The following PCDHGB1 variants were observed in gnomAD, a reference collection of about 807,000 sequenced individuals.
PCDHGB1 encodes the protein protocadherin gamma subfamily B, 1, also known as protocadherin gamma-B1.
In PCDHGB1, 34 loss-of-function variants were observed where a neutral mutation model predicts 56.6. That is an observed-to-expected ratio of 0.60 (90% CI 0.46 to 0.80). The LOEUF is 0.80. PCDHGB1 is among the 30% of genes least tolerant of loss of function. The pLI, the probability that PCDHGB1 is intolerant of heterozygous loss-of-function variation, is 0.00. For missense variants in PCDHGB1, 1,278 were observed against 1,204.6 expected (o/e 1.06, Z -0.90); for synonymous variants, 561 against 505.9 (o/e 1.11, Z -1.46).
intron 1 of PCDHGB1, chr5:141,387,783 C>A: frequency 6.8e-7 from 1 of 1,467,932 alleles, no homozygotes; most frequent in Non-Finnish European, 9.1e-7. Context: ...TGAACTGGAA[C>A]TGCAACTAAA....
At chr5:141,402,999 T>TATG in intron 1 of PCDHGB1, 1 of 1,613,984 alleles carries the variant, frequency 6.2e-7, no homozygotes, top group Non-Finnish European at 8.5e-7. Context: ...TTAGTCCTGC[T>TATG]ATGCTCGCTC....
chr5:141,355,945 G>C, intron 1 of PCDHGB1: 4 of 1,613,848 alleles, frequency 2.5e-6, no homozygotes, highest in Non-Finnish European at 3.4e-6. Context: ...CGAGTACCAC[G>C]TAAGTGTTCG....
intron 1 of PCDHGB1, chr5:141,395,373 G>A (rs2150613921): frequency 1.7e-6 from 2 of 1,189,412 alleles, no homozygotes; most frequent in African/African-American, 3.1e-5. Context: ...TATTTTGGTG[G>A]TGTTACTATA....
rs1358534137 is a variant in PCDHGB1, at chr5:141,351,001, C to T, written c.741C>T (p.Ser247=). The change falls in exon 1 of 4, where the codon AGC becomes AGT. Residue 247 remains serine, a synonymous_variant. Transcript: ENST00000523390. ...TTAGCCAGGAGGTATACAGGGTTAG[C>T]CTCCAAGAAAACGTACCGTGGGGAA... ...PVFSQEVYRV[S]LQENVPWGTS... 1.9e-6 allele frequency: 3 copies of T among 1,613,936 alleles called. No homozygotes were observed. Among genetic ancestry groups the T allele is most frequent in the African/African-American group, 1.3e-5 (1 of 74,942 alleles).
chr5:141,383,028 C>A (rs1561593921), intron 1 of PCDHGB1: 23 of 1,613,814 alleles, frequency 1.4e-5, no homozygotes, highest in Non-Finnish European at 1.9e-5. Flanking sequence ...ACAAAGGGTC[C>A]TTTGTGGGAG....
intron 2 of PCDHGB1, among the ~76,000 whole-genome samples, chr5:141,497,552 T>C (rs2099777669): frequency 6.6e-6 from 1 of 151,386 alleles, no homozygotes; most frequent in Non-Finnish European, 1.5e-5. Context: ...TTTTTTTTTT[T>C]TTTTTTAGAC....
chr5:141,408,307 C>T, intron 1 of PCDHGB1: 1 of 1,613,820 alleles, frequency 6.2e-7, no homozygotes, highest in East Asian at 2.2e-5. Flanking sequence ...CGATCCGCTA[C>T]TCGATTCCGG....
At chr5:141,392,956 T>G in intron 1 of PCDHGB1, 1 of 1,613,820 alleles carries the variant, frequency 6.2e-7, no homozygotes, top group South Asian at 1.1e-5. Context: ...GTGGGTAATA[T>G]CTCCAAGGAC....
intron 1 of PCDHGB1, chr5:141,423,839 A>C: frequency 7.8e-7 from 1 of 1,279,970 alleles, no homozygotes; most frequent in Admixed American, 3.8e-5. Flanking sequence ...AGATTACGAT[A>C]ATCTTTCAGA....
chr5:141,394,756 A>G (rs757241753), intron 1 of PCDHGB1: 4 of 1,613,324 alleles, frequency 2.5e-6, no homozygotes, highest in East Asian at 4.5e-5. Flanking sequence ...GCCGTCCAGG[A>G]CCATGGCCAG....
At chr5:141,409,745 T>C (rs968473065) in intron 1 of PCDHGB1, 8 of 1,613,074 alleles carry the variant, frequency 5.0e-6, no homozygotes, top group Non-Finnish European at 6.8e-6. Context: ...CGGGGTGGTG[T>C]TCGCGCAGCG....
intron 1 of PCDHGB1, chr5:141,418,096 G>A (rs772001018): frequency 6.2e-7 from 1 of 1,614,078 alleles, no homozygotes; most frequent in East Asian, 2.2e-5. Context: ...GCGTAGACGC[G>A]CAGAGCGGGG....
chr5:141,399,570 C>T (rs1297172097), intron 1 of PCDHGB1: 1 of 1,614,044 alleles, frequency 6.2e-7, no homozygotes, highest in Non-Finnish European at 8.5e-7. Context: ...GGTTGAACGG[C>T]CAAGTCTCCT....
In PCDHGB1 at chr5:141,487,844, A is replaced by T; in HGVS notation, c.2410-6963A>T. The T allele has an allele frequency of 1.9e-6, 2 of 1,043,194 alleles. No individual in the cohort carries two copies. The highest frequency in any genetic ancestry group is 2.7e-6 in the Non-Finnish European group (2 of 730,908). The allele number at this position is 1,043,194 out of a possible 1,614,324, so 64.6% of individuals were successfully genotyped here. ...CGGGTCATGCCTATATCTGAGTAAG[A>T]AATGAAAGTAATTGGTGATCAAGAG... On this transcript the variant is annotated intron_variant, in intron 1 of 3. Transcript: ENST00000523390. This position sits in a 1 kb window ranked among gnomAD's most constrained non-coding sequence, Gnocchi z 5.0.
rs966319513 is a variant in PCDHGB1 at position 141,366,126 on chromosome 5, G to A, written c.2409+13457G>A. 6 of 1,614,214 alleles carry A rather than the reference G, an allele frequency of 3.7e-6. No homozygotes were observed. The South Asian group carries it at 5.5e-5, about 15-fold the overall frequency. Reference sequence around the variant, plus strand: ...GTGGTAGCGGTGGACAAAGATTCAGGCCAGAACGCCTGGCTGTCCTACCGC... The same window carrying A: ...GTGGTAGCGGTGGACAAAGATTCAGACCAGAACGCCTGGCTGTCCTACCGC... On this transcript the variant is annotated intron_variant, in intron 1 of 3. Transcript: ENST00000523390.
intron 1 of PCDHGB1, among the ~76,000 whole-genome samples, chr5:141,459,184 G>GC (rs2098963022): frequency 6.6e-6 from 1 of 152,134 alleles, no homozygotes; most frequent in South Asian, 2.1e-4. Flanking sequence ...GTTCCCTCAT[G>GC]CCCCTTTGCA....
chr5:141,441,195 A>C (rs1160365905), intron 1 of PCDHGB1: 1 of 152,224 alleles, frequency 6.6e-6, no homozygotes, highest in Non-Finnish European at 1.5e-5. Context: ...TGATTCCCAA[A>C]GATTCTGCAC....
At chr5:141,392,728 G>T in intron 1 of PCDHGB1, 1 of 1,407,730 alleles carries the variant, frequency 7.1e-7, no homozygotes, top group Non-Finnish European at 9.3e-7. Context: ...CCGGAGGATT[G>T]TCATCTCCAT....
chr5:141,507,613 T>G (rs1003099044), intron 3 of PCDHGB1, among the ~76,000 whole-genome samples: 1 of 152,248 alleles, frequency 6.6e-6, no homozygotes, highest in African/African-American at 2.4e-5. Context: ...ACAGGTATAT[T>G]TAGCTGTTGT....
Sources: allele counts gnomAD v4.1 joint callset (sites outside exome capture counted in the v4.1 genomes callset), GRCh38; gene constraint gnomAD v4.1.1; non-coding constraint Gnocchi (gnomAD v3.1); transcripts MANE v1.5; gene names NCBI Gene and HGNC (gene_info 2026-07-23, HGNC 2026-07-21).